The following NDST3 variants were observed in gnomAD, a reference collection of about 807,000 sequenced individuals.
NDST3 encodes N-deacetylase and N-sulfotransferase 3.
NDST3 carries 58 observed loss-of-function variants against 96.1 expected under a neutral mutation model. The observed-to-expected ratio is 0.60, with a 90% CI of 0.49 to 0.75. The LOEUF is 0.75. Ranked by LOEUF, NDST3 falls within the 30% of genes least tolerant of loss-of-function variation. The pLI, the probability that NDST3 is intolerant of heterozygous loss-of-function variation, is 0.00. For synonymous variants in NDST3, 333 were observed against 359.7 expected (o/e 0.93, Z 0.84); for missense variants, 788 against 1,034.2 (o/e 0.76, Z 3.27).
intron 6 of NDST3, among the ~76,000 whole-genome samples, chr4:118,155,745 C>T (rs148812497): frequency 6.6e-6 from 1 of 152,130 alleles, no homozygotes; most frequent in African/African-American, 2.4e-5. Context: ...CAAGAACCTA[C>T]CAATAACATT....
chr4:118,148,722 G>A (rs1306910700), intron 6 of NDST3, among the ~76,000 whole-genome samples: 1 of 152,114 alleles, frequency 6.6e-6, no homozygotes, highest in Non-Finnish European at 1.5e-5. Context: ...ATGTGTATGT[G>A]CTTTTCTCTA....
chr4:118,093,714 A>G (rs1729069217), intron 2 of NDST3, among the ~76,000 whole-genome samples: 1 of 151,882 alleles, frequency 6.6e-6, no homozygotes, highest in Non-Finnish European at 1.5e-5. Context: ...ACCTATATGT[A>G]TGTAAAATAA....
intron 9 of NDST3, among the ~76,000 whole-genome samples, chr4:118,236,636 C>T (rs1291346946): frequency 6.6e-6 from 1 of 152,176 alleles, no homozygotes; most frequent in Non-Finnish European, 1.5e-5. Context: ...AATATTTTCT[C>T]TAAATCCTTT....
chr4:118,195,763 G>C (rs1737642092), intron 6 of NDST3, among the ~76,000 whole-genome samples: 1 of 152,154 alleles, frequency 6.6e-6, no homozygotes, highest in Non-Finnish European at 1.5e-5. Flanking sequence ...GCGTCTTTGG[G>C]TTTTCCCAAA....
intron 6 of NDST3, among the ~76,000 whole-genome samples, chr4:118,215,144 T>C (rs1739111275): frequency 6.6e-6 from 1 of 151,926 alleles, no homozygotes; most frequent in Non-Finnish European, 1.5e-5. Context: ...AAGATAGGAA[T>C]GGTAGTTTGA....
intron 2 of NDST3, among the ~76,000 whole-genome samples, chr4:118,097,795 A>G (rs188556553): frequency 1.3e-5 from 2 of 151,998 alleles, no homozygotes; most frequent in Non-Finnish European, 2.9e-5. Context: ...GTGTTCTACA[A>G]TGGCCATTTT....
In NDST3 at chr4:118,054,258, T is replaced by C. The variant is rs2110448144; in HGVS notation, c.348T>C (p.Asp116=). 2 of 1,612,718 alleles carry C rather than the reference T, an allele frequency of 1.2e-6. No individual in the cohort carries two copies. The highest frequency in any genetic ancestry group is 2.2e-5 in the East Asian group (1 of 44,840). The change falls in exon 2 of 14, where the codon GAT becomes GAC. Residue 116 remains aspartate, a synonymous_variant. Coordinates refer to ENST00000296499, the MANE Select transcript of NDST3 (RefSeq NM_004784.3). Reference sequence around the variant, plus strand: ...TTGAAATTGCCCCTGGAAAGGGAGATCTCCCAGTGCTTATAGACAAAATGA... The same window carrying C: ...TTGAAATTGCCCCTGGAAAGGGAGACCTCCCAGTGCTTATAGACAAAATGA... ...YHIEIAPGKG[D]LPVLIDKMKG...
chr4:118,079,535 T>C (rs1430413628), intron 2 of NDST3, among the ~76,000 whole-genome samples: 1 of 152,090 alleles, frequency 6.6e-6, no homozygotes, highest in Non-Finnish European at 1.5e-5. Context: ...TCAGTGTGCG[T>C]GGAGCACAGT....
intron 6 of NDST3, among the ~76,000 whole-genome samples, chr4:118,218,862 T>C (rs758768148): frequency 5.3e-5 from 8 of 152,142 alleles, no homozygotes; most frequent in Admixed American, 1.3e-4. Flanking sequence ...ACAAAATCAA[T>C]GTGCAAAAAA....
intron 4 of NDST3, among the ~76,000 whole-genome samples, chr4:118,129,920 C>G (rs998758320): frequency 7.2e-5 from 11 of 151,918 alleles, no homozygotes; most frequent in African/African-American, 2.7e-4. Flanking sequence ...GGGGTTGACT[C>G]CTTTATCATT....
At chr4:118,142,486 T>C (rs1017391838) in intron 5 of NDST3, among the ~76,000 whole-genome samples, 29 of 152,052 alleles carry the variant, frequency 1.9e-4, no homozygotes, top group African/African-American at 6.5e-4. Flanking sequence ...AAAACACTAG[T>C]ATATTTCTAC....
intron 11 of NDST3, 122 bp downstream of exon 11, chr4:118,240,816 A>T (rs1273519704): frequency 3.4e-6 from 3 of 888,124 alleles, no homozygotes; most frequent in Non-Finnish European, 5.0e-6. Context: ...GTTGTAAATA[A>T]TGAGGCTATG....
chr4:118,249,148 T>A, intron 12 of NDST3, among the ~76,000 whole-genome samples: 1 of 152,228 alleles, frequency 6.6e-6, no homozygotes. Context: ...AATTTTAGCA[T>A]GTGTGGAGTT....
At chr4:118,166,675 C>T (rs28768382) in intron 6 of NDST3, among the ~76,000 whole-genome samples, 4,239 of 151,930 alleles carry the variant, frequency 0.028, 215 homozygotes, top group African/African-American at 0.097. Context: ...CTAAATTCAA[C>T]AGCACATTAA....
Position 118,251,130 on chromosome 4 carries a change from A to ATT in NDST3, c.2400-2356_2400-2355dup, listed in dbSNP as rs35077679. Among the ~76,000 whole-genome samples the ATT allele has an allele frequency of 5.5e-4, 69 of 126,092 alleles. 2 individuals are homozygous for ATT. The highest frequency in any genetic ancestry group is 4.3e-3 in the Middle Eastern group (1 of 234). 82.7% of individuals were successfully genotyped at this position (126,092 alleles called of 152,430 possible). A position where few individuals can be genotyped will look rare whatever the true frequency, so the allele number is the denominator to read the frequency against. On this transcript the variant is annotated intron_variant, in intron 12 of 13. Coordinates refer to ENST00000296499, the MANE Select transcript of NDST3 (RefSeq NM_004784.3). ...TTTATTTATTTATTATTTTTATTTT[A>ATT]TTTTTTTTTTTTTTGAGACGGAGTC...
intron 6 of NDST3, among the ~76,000 whole-genome samples, chr4:118,156,688 G>C (rs904276681): frequency 2.0e-5 from 3 of 152,162 alleles, no homozygotes; most frequent in African/African-American, 4.8e-5. Flanking sequence ...TTGAGTTTAT[G>C]AGAATATGCT....
At chr4:118,251,444 C>T (rs1361064029) in intron 12 of NDST3, among the ~76,000 whole-genome samples, 1 of 151,986 alleles carries the variant, frequency 6.6e-6, no homozygotes, top group Non-Finnish European at 1.5e-5. Context: ...AGGTTTAGCT[C>T]AATAATACAT....
At chr4:118,142,155 T>C (rs1306821127) in intron 5 of NDST3, among the ~76,000 whole-genome samples, 1 of 152,040 alleles carries the variant, frequency 6.6e-6, no homozygotes, top group Non-Finnish European at 1.5e-5. Context: ...ATAGATAGGA[T>C]CATGAGGATG....
chr4:118,212,999 TC>T (rs1413711707), intron 6 of NDST3, among the ~76,000 whole-genome samples: 1 of 152,212 alleles, frequency 6.6e-6, no homozygotes, highest in African/African-American at 2.4e-5. Flanking sequence ...TAACATTTGC[TC>T]CCCTATAGTC....
Sources: allele counts gnomAD v4.1 joint callset (sites outside exome capture counted in the v4.1 genomes callset), GRCh38; gene constraint gnomAD v4.1.1; transcripts MANE v1.5; gene names NCBI Gene and HGNC (gene_info 2026-07-23, HGNC 2026-07-21).